The following ZNF407 variants were observed in gnomAD, a reference collection of about 807,000 sequenced individuals.
ZNF407 encodes the protein zinc finger protein 407.
A neutral mutation model predicts 131.2 loss-of-function variants in ZNF407; 17 were observed. The ratio of observed to expected loss-of-function variants is 0.13; its 90% confidence interval spans 0.09 to 0.19. The LOEUF (loss-of-function observed/expected upper bound fraction) is 0.19. Among genes scored for constraint, ZNF407 ranks in the 10% least tolerant of loss-of-function variants. ZNF407 has a pLI of 1.00. For missense variants in ZNF407, 2,681 were observed against 2,830.6 expected, an observed-to-expected ratio of 0.95 and a Z score of 1.20; for synonymous variants, 1,156 against 1,062.0, an observed-to-expected ratio of 1.09 and a Z score of -1.72.
At chr18:74,916,566 T>C (rs1971769305) in intron 7 of ZNF407, among the ~76,000 whole-genome samples, 4 of 133,718 alleles carry the variant, frequency 3.0e-5, no homozygotes, top group African/African-American at 1.2e-4. Context: ...TGTGTGTGTG[T>C]GTGTGTGCAT....
chr18:74,831,703 A>G (rs866374060), intron 4 of ZNF407, among the ~76,000 whole-genome samples: 1 of 152,102 alleles, frequency 6.6e-6, no homozygotes, highest in African/African-American at 2.4e-5. Flanking sequence ...GCCAATGCGA[A>G]TGATGCTGCC....
chr18:74,938,264 G>A (rs1044092766), intron 8 of ZNF407, among the ~76,000 whole-genome samples: 30 of 152,078 alleles, frequency 2.0e-4, no homozygotes, highest in Non-Finnish European at 3.2e-4. Context: ...CTCTGAGCAC[G>A]AATTGGTTAC....
rs549195567 is a variant in ZNF407 at position 75,009,686 on chromosome 18, TA to T, written c.5429-53463del. Among the ~76,000 whole-genome samples, 37 of 152,300 alleles carry T rather than the reference TA, an allele frequency of 2.4e-4. 2 individuals carry two copies. In the South Asian group the frequency reaches 6.6e-3, roughly 27 times the overall value. ...CATTTATTCTTCATAATGGCTCCTG[TA>T]GGAGTACTATTATTTTGCTTCATAG... On this transcript the variant is annotated intron_variant, in intron 8 of 8. Transcript: ENST00000299687.
chr18:74,842,860 G>A (rs1381405191), intron 4 of ZNF407, among the ~76,000 whole-genome samples: 3 of 151,938 alleles, frequency 2.0e-5, no homozygotes, highest in Non-Finnish European at 4.4e-5. Flanking sequence ...AGTAGCTGGG[G>A]CATGAACCAA....
chr18:74,718,212 C>G (rs781169469), intron 3 of ZNF407, among the ~76,000 whole-genome samples: 13 of 151,564 alleles, frequency 8.6e-5, no homozygotes, highest in South Asian at 4.2e-4. Flanking sequence ...GCAGCCCCCC[C>G]CCTCCCCTTC....
At chr18:74,811,131 A>G (rs1328011436) in intron 4 of ZNF407, among the ~76,000 whole-genome samples, 15 of 152,206 alleles carry the variant, frequency 9.9e-5, no homozygotes, top group Non-Finnish European at 5.9e-5. Context: ...CTCATCTGAC[A>G]AAGGGCTAAT....
chr18:74,960,392 G>A (rs1346883324), intron 8 of ZNF407, among the ~76,000 whole-genome samples: 1 of 150,142 alleles, frequency 6.7e-6, no homozygotes, highest in Non-Finnish European at 1.5e-5. Flanking sequence ...ATAGGAGAAG[G>A]TCCTGAGTGA....
At chr18:74,828,659 G>A (rs913771372) in intron 4 of ZNF407, among the ~76,000 whole-genome samples, 5 of 138,854 alleles carry the variant, frequency 3.6e-5, no homozygotes, top group Admixed American at 7.3e-5. Flanking sequence ...CTGATTCTAC[G>A]CTGTTCCTGG....
intron 8 of ZNF407, among the ~76,000 whole-genome samples, chr18:75,012,950 T>TTAA (rs1491289776): frequency 1.4e-5 from 2 of 145,650 alleles, no homozygotes; most frequent in African/African-American, 5.1e-5. Flanking sequence ...GGTCCTTTTT[T>TTAA]AAAAAAAAAA....
intron 3 of ZNF407, among the ~76,000 whole-genome samples, chr18:74,654,624 A>G (rs1406080894): frequency 2.0e-5 from 3 of 151,898 alleles, no homozygotes; most frequent in South Asian, 4.1e-4. Context: ...ATAGAAAACT[A>G]TAAGTAGAAA....
At chr18:74,727,725 A>C (rs374391212) in intron 3 of ZNF407, among the ~76,000 whole-genome samples, 1 of 152,222 alleles carries the variant, frequency 6.6e-6, no homozygotes, top group Non-Finnish European at 1.5e-5. Context: ...GCAAGTCGCC[A>C]TGCGCGGCAG....
At chr18:74,845,870 G>A (rs1338738526) in intron 4 of ZNF407, among the ~76,000 whole-genome samples, 1 of 152,098 alleles carries the variant, frequency 6.6e-6, no homozygotes, top group Non-Finnish European at 1.5e-5. Flanking sequence ...TAAAATGGTT[G>A]GGCTACCAAC....
At chr18:74,695,203 G>A (rs1021209838) in intron 3 of ZNF407, among the ~76,000 whole-genome samples, 1 of 152,132 alleles carries the variant, frequency 6.6e-6, no homozygotes, top group African/African-American at 2.4e-5. Flanking sequence ...AAGCGATATG[G>A]AAGATTTAGA....
intron 8 of ZNF407, among the ~76,000 whole-genome samples, chr18:74,960,854 G>A: frequency 6.8e-6 from 1 of 146,562 alleles, no homozygotes; most frequent in East Asian, 2.0e-4. Flanking sequence ...GGAGGGATAG[G>A]AGAAAGTCCT....
chr18:74,837,027 C>T (rs1970569206), intron 4 of ZNF407, among the ~76,000 whole-genome samples: 1 of 152,114 alleles, frequency 6.6e-6, no homozygotes, highest in Non-Finnish European at 1.5e-5. Context: ...AATTTCCTTC[C>T]AGAAGAGGTC....
intron 3 of ZNF407, among the ~76,000 whole-genome samples, chr18:74,676,712 A>G (rs12968162): frequency 0.19 from 29,381 of 151,320 alleles, 3,013 homozygotes; most frequent in African/African-American, 0.2. Context: ...GGGATTACAG[A>G]CGTGAGCCAC....
intron 8 of ZNF407, among the ~76,000 whole-genome samples, chr18:74,971,693 C>G (rs1360395584): frequency 6.6e-6 from 1 of 152,218 alleles, no homozygotes; most frequent in Non-Finnish European, 1.5e-5. Flanking sequence ...TCCAAACTTT[C>G]CCACGTTTTC....
intron 3 of ZNF407, among the ~76,000 whole-genome samples, chr18:74,681,355 TGCCCCAGCTTCCC>T (rs1297449890): frequency 2.0e-5 from 3 of 152,130 alleles, no homozygotes; most frequent in African/African-American, 7.2e-5. Context: ...ATGATCTTCC[TGCCCCAGCTTCCC>T]AAGTAGCTGG....
chr18:74,842,466 TGGA>T (rs1970647011), intron 4 of ZNF407, among the ~76,000 whole-genome samples: 1 of 152,216 alleles, frequency 6.6e-6, no homozygotes, highest in Admixed American at 6.5e-5. Context: ...TGACACTTAA[TGGA>T]GTAACAATAT....
Sources: gnomAD v4.1 joint callset for allele counts (sites outside exome capture counted in the v4.1 genomes callset) on GRCh38, gnomAD v4.1.1 for gene constraint, MANE v1.5 for transcripts, NCBI Gene and HGNC (gene_info 2026-07-23, HGNC 2026-07-21) for gene names.